PRPH2: variants seen among roughly 807,000 people sequenced by gnomAD.
PRPH2 encodes peripherin-2.
Under a neutral mutation model 31.3 loss-of-function variants are expected in PRPH2, and 17 were observed. That is an observed-to-expected ratio of 0.54 (90% CI 0.37 to 0.81). The LOEUF (loss-of-function observed/expected upper bound fraction) is 0.81. Ranked by LOEUF, PRPH2 falls within the 40% of genes least tolerant of loss-of-function variation. The pLI, the probability that PRPH2 is intolerant of heterozygous loss-of-function variation, is 0.00. For synonymous variants in PRPH2, 165 were observed against 184.4 expected, an observed-to-expected ratio of 0.89 and a Z score of 0.85; for missense variants, 430 against 439.7, an observed-to-expected ratio of 0.98 and a Z score of 0.20.
At position 42,704,556 on chromosome 6, in the gene PRPH2, A is replaced by G. The variant is rs61755802; in HGVS notation, c.637T>C (p.Cys213Arg). Residue 213 changes from cysteine to arginine, a missense_variant, in exon 2 of 3, where the codon TGC (cysteine) becomes CGC (arginine). Physicochemically the swap from Cys to Arg is radical, Grantham distance 180. Transcript: ENST00000230381. ...RYLVDGVPFSCCNPSSPRPCI... is the reference protein window; with the variant it reads ...RYLVDGVPFSRCNPSSPRPCI... The stretch of plus-strand genomic sequence containing the variant: ...GGCCGTGGCGAGCTAGGATTGCAGC[A>G]GCTGAAAGGGACGCCGTCCACCAGG... The G allele has an allele frequency of 1.2e-6, 2 of 1,614,188 alleles. No homozygotes were observed. Among genetic ancestry groups the G allele is most frequent in the Non-Finnish European group, 1.7e-6 (2 of 1,180,020 alleles).
chr6:42,704,230 A>G, intron 2 of PRPH2, 135 bp downstream of exon 2: 1 of 1,185,568 alleles, frequency 8.4e-7, no homozygotes, highest in Non-Finnish European at 1.2e-6. Flanking sequence ...GCCCAGACTG[A>G]TCTGACCCAC....
intron 1 of PRPH2, chr6:42,711,681 G>A (rs1327923023): frequency 1.1e-6 from 1 of 884,096 alleles, no homozygotes; most frequent in Non-Finnish European, 1.4e-6. Context: ...GTCTGAGAGG[G>A]GAGAAACCCC....
intron 1 of PRPH2, among the ~76,000 whole-genome samples, chr6:42,718,944 C>T (rs1010863613): frequency 2.0e-5 from 3 of 152,074 alleles, no homozygotes; most frequent in Admixed American, 6.6e-5. Flanking sequence ...GGATTATAGG[C>T]GTGCGCCACT....
chr6:42,714,631 C>A (rs1043093582), intron 1 of PRPH2, among the ~76,000 whole-genome samples: 2 of 152,144 alleles, frequency 1.3e-5, no homozygotes, highest in South Asian at 4.1e-4. Flanking sequence ...ATCCTCCCAC[C>A]TTAGCCTCCC....
In PRPH2 at chr6:42,707,228, G is replaced by A. The variant is rs151090248; in HGVS notation, c.582-2617C>T. Among the ~76,000 whole-genome samples, 81 of 152,224 alleles carry A rather than the reference G, an allele frequency of 5.3e-4. 1 individual carries two copies. In the East Asian group the frequency reaches 0.015, roughly 28 times the overall value. The stretch of plus-strand genomic sequence containing the variant: ...ATATTTTCGTATCTGTCTGTGGAGT[G>A]TCCTGGATTTTTGTTTGTTAATGAG... On this transcript the variant is annotated intron_variant, in intron 1 of 2. Transcript: ENST00000230381.
intron 2 of PRPH2, 132 bp downstream of exon 2, chr6:42,704,233 T>G (rs763665351): frequency 8.2e-7 from 1 of 1,226,428 alleles, no homozygotes; most frequent in Non-Finnish European, 1.2e-6. Flanking sequence ...CAGACTGATC[T>G]GACCCACAGC....
chr6:42,722,547 CAG>C lies in PRPH2; in HGVS notation c.-215_-214del. On this transcript the variant is annotated 5_prime_UTR_variant, in exon 1 of 3. Transcript: ENST00000230381. This position sits in a 1 kb window ranked among gnomAD's most constrained non-coding sequence, Gnocchi z 4.4. ...AGGGGTCTCGGAATCACAGCTTGAG[CAG>C]GGGATAGTCCTGGTCCTGGGCGTTG... is the stretch of plus-strand genomic sequence containing the variant. 1 of 1,444,270 alleles carries C rather than the reference CAG, an allele frequency of 6.9e-7. No homozygotes were observed. Among genetic ancestry groups the C allele is most frequent in the Non-Finnish European group, 9.1e-7 (1 of 1,102,328 alleles). 89.5% of individuals were successfully genotyped at this position (1,444,270 alleles called of 1,614,324 possible).
chr6:42,703,585 G>A (rs1383867329), intron 2 of PRPH2, among the ~76,000 whole-genome samples: 2 of 152,188 alleles, frequency 1.3e-5, no homozygotes, highest in African/African-American at 2.4e-5. Context: ...GAAGCCAAAC[G>A]TAATATGGGT....
rs1006048284 is a variant in PRPH2 at position 42,722,471 on chromosome 6, C to T, written c.-137G>A. On this transcript the variant is annotated 5_prime_UTR_variant, in exon 1 of 3. Transcript: ENST00000230381. This position sits in a 1 kb window ranked among gnomAD's most constrained non-coding sequence, Gnocchi z 4.4. The stretch of plus-strand genomic sequence containing the variant: ...TGTAGGGAGCTGCCCTGGGGGCTAC[C>T]CATGTCGAGTCCCACTAGCCTGGGA... 3.3e-6 allele frequency: 5 copies of T among 1,522,510 alleles called. No individual in the cohort carries two copies. In the African/African-American group the frequency reaches 5.5e-5, roughly 17 times the overall value. The allele number at this position is 1,522,510 out of a possible 1,614,324, so 94.3% of individuals were successfully genotyped here. A position where few individuals can be genotyped will look rare whatever the true frequency, so the allele number is the denominator to read the frequency against.
At chr6:42,705,958 C>CA (rs36068676) in intron 1 of PRPH2, among the ~76,000 whole-genome samples, 74,344 of 134,168 alleles carry the variant, frequency 0.55, 20,099 homozygotes, top group African/African-American at 0.64. Flanking sequence ...GACCCCGTCT[C>CA]AAAAAAAAAA....
At chr6:42,709,356 C>T (rs1284802783) in intron 1 of PRPH2, among the ~76,000 whole-genome samples, 2 of 86,294 alleles carry the variant, frequency 2.3e-5, no homozygotes, top group African/African-American at 1.1e-4. Context: ...AAAAAAAAAA[C>T]TTGGGTCCAG....
At chr6:42,712,987 G>T (rs1269618681) in intron 1 of PRPH2, among the ~76,000 whole-genome samples, 2 of 151,906 alleles carry the variant, frequency 1.3e-5, no homozygotes, top group Non-Finnish European at 1.5e-5. Flanking sequence ...CACTTTGGGA[G>T]GCCAAGGTGG....
intron 1 of PRPH2, 149 bp from the exon 2 acceptor site, chr6:42,704,760 C>G: frequency 1.6e-6 from 2 of 1,237,670 alleles, no homozygotes; most frequent in Non-Finnish European, 2.3e-6. Context: ...GTGCCAGTCA[C>G]TGTTCTAGGC....
chr6:42,717,984 G>A (rs896681845), intron 1 of PRPH2, among the ~76,000 whole-genome samples: 1 of 152,016 alleles, frequency 6.6e-6, no homozygotes, highest in African/African-American at 2.4e-5. Flanking sequence ...TGGCCAACGT[G>A]GTGAAACCCC....
At chr6:42,706,865 A>G (rs1270060332) in intron 1 of PRPH2, among the ~76,000 whole-genome samples, 2 of 150,794 alleles carry the variant, frequency 1.3e-5, no homozygotes, top group African/African-American at 2.4e-5. Context: ...ATGCATGGAC[A>G]AGCAAACATG....
Position 42,722,175 on chromosome 6 carries a change from TA to T in PRPH2, c.159del (p.Asn53LysfsTer12). On this transcript the variant is annotated frameshift_variant, in exon 1 of 3. Transcript: ENST00000230381. LOFTEE classifies it high-confidence loss of function. This position sits in a 1 kb window ranked among gnomAD's most constrained non-coding sequence, Gnocchi z 4.4. ...TTGGGCACAAAATGGCTCTCAGAATTATTCATCACATCGCTCCTCTTTCGGA... is the reference window on the plus strand; with the variant it reads ...TTGGGCACAAAATGGCTCTCAGAATTTTCATCACATCGCTCCTCTTTCGGA... ...IELRKRSDVM[N>X]NSESHFVPNS... The T allele has an allele frequency of 6.2e-7, 1 of 1,614,130 alleles. No homozygotes were observed.
chr6:42,705,574 TAAAAAAAAAAAAA>T (rs1186158334), intron 1 of PRPH2, among the ~76,000 whole-genome samples: 1 of 22,286 alleles, frequency 4.5e-5, no homozygotes, highest in African/African-American at 1.6e-4. Context: ...AGACTTTCTC[TAAAAAAAAAAAAA>T]AAAAAAAAAA....
At chr6:42,718,654 T>A (rs9394921) in intron 1 of PRPH2, among the ~76,000 whole-genome samples, 85,239 of 150,800 alleles carry the variant, frequency 0.57, 23,896 homozygotes, top group Middle Eastern at 0.64. Context: ...ATTCATATAT[T>A]TTTTTTTTTT....
At chr6:42,714,842 C>T (rs1418332928) in intron 1 of PRPH2, among the ~76,000 whole-genome samples, 3 of 152,000 alleles carry the variant, frequency 2.0e-5, no homozygotes, top group Admixed American at 6.6e-5. Flanking sequence ...TTTTTTGTCT[C>T]CCCCACTTCC....
Sources: gnomAD v4.1 joint callset for allele counts (sites outside exome capture counted in the v4.1 genomes callset) on GRCh38, gnomAD v4.1.1 for gene constraint, Gnocchi (gnomAD v3.1) non-coding constraint, MANE v1.5 for transcripts, NCBI Gene and HGNC (gene_info 2026-07-23, HGNC 2026-07-21) for gene names.